The following RIMS3 variants were observed in gnomAD, a reference collection of about 807,000 sequenced individuals.
RIMS3 encodes the protein regulating synaptic membrane exocytosis protein 3.
A neutral mutation model predicts 29.2 loss-of-function variants in RIMS3; 15 were observed. That is an observed-to-expected ratio of 0.51 (90% CI 0.34 to 0.79). The LOEUF (loss-of-function observed/expected upper bound fraction) is 0.79. Ranked by LOEUF, RIMS3 falls within the 30% of genes least tolerant of loss-of-function variation. RIMS3 has a pLI of 0.01. For missense variants in RIMS3, 342 were observed against 421.4 expected (o/e 0.81, Z 1.65); for synonymous variants, 161 against 170.1 (o/e 0.95, Z 0.41).
the RIMS3 span, among the ~76,000 whole-genome samples, chr1:40,680,337 T>G: frequency 2.0e-5 from 3 of 150,696 alleles, no homozygotes; most frequent in East Asian, 1.9e-4. Flanking sequence ...ATAGTTTTTT[T>G]TTTTTTTTTT....
chr1:40,650,210 C>T (rs1397260966), intron 1 of RIMS3, among the ~76,000 whole-genome samples: 3 of 152,154 alleles, frequency 2.0e-5, no homozygotes, highest in East Asian at 3.9e-4. Flanking sequence ...CACTAGGGGC[C>T]GCTGGGGTCA....
At chr1:40,645,235 C>T (rs1454351715) in intron 2 of RIMS3, among the ~76,000 whole-genome samples, 4 of 152,074 alleles carry the variant, frequency 2.6e-5, no homozygotes, top group East Asian at 1.9e-4. Flanking sequence ...GGTATCTGCA[C>T]GGTGTTTTGG....
chr1:40,656,200 C>T (rs1642271077), intron 1 of RIMS3, among the ~76,000 whole-genome samples: 1 of 152,200 alleles, frequency 6.6e-6, no homozygotes, highest in Non-Finnish European at 1.5e-5. Context: ...GGCCTCTACA[C>T]TCCAGCCTGA....
chr1:40,665,796 T>A (rs1160152101), upstream of RIMS3: 1 of 152,754 alleles, frequency 6.5e-6, no homozygotes, highest in Non-Finnish European at 1.5e-5. Flanking sequence ...CCTAGGGGAA[T>A]CCGGGGAGTT....
rs72659532 is a variant in RIMS3, at chr1:40,643,077, C to T, written c.-31-1121G>A. 3.0e-3 allele frequency among the ~76,000 whole-genome samples: 453 copies of T among 152,156 alleles called. 1 individual carries two copies. In the Middle Eastern group the frequency reaches 0.044, roughly 15 times the overall value. The stretch of plus-strand genomic sequence containing the variant: ...GATTTAAGTATTTCAGTAGAGTTAC[C>T]GCTTAGATCAGGCCCAAGTTTATCT... On this transcript the variant is annotated intron_variant, in intron 2 of 7. Coordinates refer to ENST00000372684, the MANE Select transcript of RIMS3 (RefSeq NM_014747.3).
rs1208726820 is a variant in RIMS3 at position 40,636,577 on chromosome 1, G to A, written c.218-520C>T. On this transcript the variant is annotated intron_variant, in intron 3 of 7. Transcript: ENST00000372684. This position sits in a 1 kb window ranked among gnomAD's most constrained non-coding sequence, Gnocchi z 4.2. ...CTCTATAGGAAAGCCCCCATGGGAA[G>A]CCTGGCCACTCTCAAACAAACCCAC... is the stretch of plus-strand genomic sequence containing the variant. 6.6e-6 allele frequency among the ~76,000 whole-genome samples: 1 copy of A among 152,172 alleles called. No individual in the cohort carries two copies. The highest frequency in any genetic ancestry group is 2.4e-5 in the African/African-American group (1 of 41,434).
the RIMS3 span, among the ~76,000 whole-genome samples, chr1:40,683,654 T>C: frequency 5.3e-5 from 8 of 152,234 alleles, no homozygotes; most frequent in African/African-American, 1.9e-4. Flanking sequence ...CCTGTAGCTA[T>C]TTCAATGTAA....
At chr1:40,639,688 G>A (rs1646543401) in intron 3 of RIMS3, among the ~76,000 whole-genome samples, 1 of 152,086 alleles carries the variant, frequency 6.6e-6, no homozygotes, top group Non-Finnish European at 1.5e-5. Context: ...TAAATGACAG[G>A]GGATGGATCT....
In RIMS3 at chr1:40,635,421, G is replaced by A. The variant is rs779399277; in HGVS notation, c.359+495C>T. Among the ~76,000 whole-genome samples the A allele has an allele frequency of 2.0e-5, 3 of 152,112 alleles. No homozygotes were observed. The highest frequency in any genetic ancestry group is 4.4e-5 in the Non-Finnish European group (3 of 68,014). ...ATGTCTATTTCTTTTTCTAATGCTG[G>A]TTTTGACCCACTAAACCTATTTTAT... On this transcript the variant is annotated intron_variant, in intron 4 of 7. Transcript: ENST00000372684. This position sits in a 1 kb window ranked among gnomAD's most constrained non-coding sequence, Gnocchi z 4.1.
At chr1:40,672,625 G>A in the RIMS3 span, among the ~76,000 whole-genome samples, 7 of 152,226 alleles carry the variant, frequency 4.6e-5, no homozygotes, top group Admixed American at 4.6e-4. Context: ...GCTCCTTGGA[G>A]GCTATTTGTT....
rs1263560942 is a variant in RIMS3, at chr1:40,635,974, G to A, written c.301C>T (p.Arg101Cys). Residue 101 changes from arginine to cysteine, a missense_variant, in exon 4 of 8, where the codon CGC (arginine) becomes TGC (cysteine). Transcript: ENST00000372684. This position sits in a 1 kb window ranked among gnomAD's most constrained non-coding sequence, Gnocchi z 4.1. The part of the protein sequence containing the change: ...IAVEMRSRVT[R>C]QGSRESTDGS... ...TCGGTGGACTCCCGGCTGCCCTGGC[G>A]TGTGACCCGGCTCCGCATCTCCACC... 3.1e-6 allele frequency: 5 copies of A among 1,611,312 alleles called. No homozygotes were observed. The highest frequency in any genetic ancestry group is 4.2e-6 in the Non-Finnish European group (5 of 1,179,986).
At chr1:40,669,823 G>A (rs1029298317), upstream of RIMS3, among the ~76,000 whole-genome samples, 1 of 152,188 alleles carries the variant, frequency 6.6e-6, no homozygotes, top group Non-Finnish European at 1.5e-5. Context: ...GGGACAGCCT[G>A]CTCTGCCAAC....
chr1:40,635,946 C>T lies in RIMS3; in HGVS notation c.329G>A (p.Gly110Glu). ...TRQGSRESTD[G>E]STNSNSSDGT... ...GTCGGAGCTGTTGCTGTTGGTGCTC[C>T]CATCGGTGGACTCCCGGCTGCCCTG... Residue 110 changes from glycine (G) to glutamate (E), a missense_variant, in exon 4 of 8, where the codon GGG (glycine) becomes GAG (glutamate). Transcript: ENST00000372684. The surrounding 1 kb of genome is among the most constrained non-coding windows in gnomAD (Gnocchi z 4.1). 1 of 1,612,824 alleles carries T rather than the reference C, an allele frequency of 6.2e-7. No individual in the cohort carries two copies. The highest frequency in any genetic ancestry group is 8.5e-7 in the Non-Finnish European group (1 of 1,179,970).
upstream of RIMS3, among the ~76,000 whole-genome samples, chr1:40,665,872 A>G (rs1182203459): frequency 6.6e-6 from 1 of 152,094 alleles, no homozygotes; most frequent in Non-Finnish European, 1.5e-5. Context: ...GGTCTGGGGA[A>G]GCCTCATTCC....
intron 2 of RIMS3, among the ~76,000 whole-genome samples, chr1:40,643,478 C>CTT (rs34292781): frequency 0.078 from 10,469 of 133,526 alleles, 1,056 homozygotes; most frequent in African/African-American, 0.22. Context: ...ATCTTTCTCT[C>CTT]TTTTTTTTTT....
At chr1:40,660,036 T>C (rs1642329160) in intron 1 of RIMS3, among the ~76,000 whole-genome samples, 1 of 152,118 alleles carries the variant, frequency 6.6e-6, no homozygotes, top group Non-Finnish European at 1.5e-5. Context: ...GGTAGGAAGC[T>C]GTCACAGTGG....
At chr1:40,681,833 T>C in the RIMS3 span, among the ~76,000 whole-genome samples, 1 of 152,154 alleles carries the variant, frequency 6.6e-6, no homozygotes. Context: ...TAATAACTTT[T>C]TATTTTATTA....
chr1:40,628,214 C>T (rs543785664), intron 7 of RIMS3, among the ~76,000 whole-genome samples: 3 of 152,342 alleles, frequency 2.0e-5, no homozygotes, highest in South Asian at 2.1e-4. Flanking sequence ...GAGACTGATC[C>T]ACCACTGTGC....
rs147404215 is a variant in RIMS3, at chr1:40,628,009, C to G, written c.714+801G>C. 1.4e-3 allele frequency among the ~76,000 whole-genome samples: 214 copies of G among 152,316 alleles called. 4 individuals carry two copies. Among genetic ancestry groups the G allele is most frequent in the African/African-American group, 4.9e-3 (205 of 41,562 alleles). On this transcript the variant is annotated intron_variant, in intron 7 of 7. Coordinates refer to ENST00000372684, the MANE Select transcript of RIMS3 (RefSeq NM_014747.3). Reference sequence around the variant, plus strand: ...TGGATGGCCCAGACAGCCCCTGGCTCTAGCCTCTTCTCTCTCACCTCCATG... The same window carrying G: ...TGGATGGCCCAGACAGCCCCTGGCTGTAGCCTCTTCTCTCTCACCTCCATG...
Sources: allele counts gnomAD v4.1 joint callset (sites outside exome capture counted in the v4.1 genomes callset), GRCh38; gene constraint gnomAD v4.1.1; non-coding constraint Gnocchi (gnomAD v3.1); transcripts MANE v1.5; gene names NCBI Gene and HGNC (gene_info 2026-07-23, HGNC 2026-07-21).